The following C3orf20 variants were observed in gnomAD, a reference collection of about 807,000 sequenced individuals.
C3orf20 encodes the protein uncharacterized protein C3orf20.
In C3orf20, 76 loss-of-function variants were observed where a neutral mutation model predicts 88.3. The ratio of observed to expected loss-of-function variants is 0.86; its 90% confidence interval spans 0.72 to 1.04. The LOEUF (loss-of-function observed/expected upper bound fraction) is 1.04. C3orf20 is among the 50% of genes least tolerant of loss of function. C3orf20 has a pLI of 0.00. For synonymous variants in C3orf20, 436 were observed against 437.4 expected (o/e 1.00, Z 0.04); for missense variants, 1,056 against 1,123.3 (o/e 0.94, Z 0.86).
At chr3:14,747,374 A>T (rs1391674724) in intron 12 of C3orf20, among the ~76,000 whole-genome samples, 7 of 151,856 alleles carry the variant, frequency 4.6e-5, no homozygotes, top group African/African-American at 1.7e-4. Context: ...GCTTTGTTAA[A>T]CTCCCTGTGT....
intron 12 of C3orf20, among the ~76,000 whole-genome samples, chr3:14,753,628 T>G (rs1185710559): frequency 1.3e-5 from 2 of 152,010 alleles, no homozygotes; most frequent in Non-Finnish European, 2.9e-5. Flanking sequence ...ATACCTCAGG[T>G]TTTTTTTGTT....
chr3:14,691,322 C>T (rs1188880263), intron 5 of C3orf20, among the ~76,000 whole-genome samples: 2 of 152,204 alleles, frequency 1.3e-5, no homozygotes, highest in African/African-American at 4.8e-5. Context: ...TGGCTTAGTA[C>T]TCCATTATCA....
intron 12 of C3orf20, among the ~76,000 whole-genome samples, chr3:14,742,165 C>T (rs2034918893): frequency 6.6e-6 from 1 of 152,146 alleles, no homozygotes; most frequent in African/African-American, 2.4e-5. Context: ...ACAAAAACCG[C>T]AATACTTTTG....
At chr3:14,742,776 G>A (rs994086903) in intron 12 of C3orf20, among the ~76,000 whole-genome samples, 1 of 152,132 alleles carries the variant, frequency 6.6e-6, no homozygotes, top group African/African-American at 2.4e-5. Context: ...GAGGCTAAAG[G>A]CTCTTCTTAT....
At chr3:14,762,007 C>G (rs1040500566) in intron 15 of C3orf20, among the ~76,000 whole-genome samples, 1 of 152,196 alleles carries the variant, frequency 6.6e-6, no homozygotes, top group Non-Finnish European at 1.5e-5. Context: ...GGCTACACCC[C>G]CTCTCTGTCC....
intron 12 of C3orf20, among the ~76,000 whole-genome samples, chr3:14,740,078 C>G (rs13067010): frequency 0.2 from 30,106 of 152,120 alleles, 3,115 homozygotes; most frequent in South Asian, 0.33. Flanking sequence ...TGAACTTTTT[C>G]TTTGCATTCA....
At chr3:14,685,899 G>C (rs374813292) in intron 4 of C3orf20, among the ~76,000 whole-genome samples, 14 of 107,250 alleles carry the variant, frequency 1.3e-4, no homozygotes, top group Admixed American at 1.5e-4. Flanking sequence ...GTCTCGCTCT[G>C]TTGCCACGCT....
intron 7 of C3orf20, among the ~76,000 whole-genome samples, chr3:14,707,969 A>C (rs1434738044): frequency 6.6e-6 from 1 of 151,782 alleles, no homozygotes; most frequent in Non-Finnish European, 1.5e-5. Context: ...ACAGGTATGC[A>C]CCACCACGCT....
At chr3:14,736,033 G>A (rs2034697869) in intron 12 of C3orf20, among the ~76,000 whole-genome samples, 1 of 151,964 alleles carries the variant, frequency 6.6e-6, no homozygotes, top group Non-Finnish European at 1.5e-5. Context: ...GCTTTTTCTA[G>A]GAATTTATCC....
intron 12 of C3orf20, among the ~76,000 whole-genome samples, chr3:14,755,757 C>T (rs1347805006): frequency 2.0e-5 from 3 of 152,114 alleles, no homozygotes; most frequent in Admixed American, 1.3e-4. Flanking sequence ...GGGCTGGGCG[C>T]GGCGGCTCAC....
intron 4 of C3orf20, among the ~76,000 whole-genome samples, chr3:14,689,414 C>T (rs976691339): frequency 4.6e-5 from 7 of 152,120 alleles, no homozygotes; most frequent in Non-Finnish European, 8.8e-5. Flanking sequence ...CACGCCTAAC[C>T]AGTGAAATGA....
chr3:14,729,766 G>A (rs955344510), intron 12 of C3orf20, among the ~76,000 whole-genome samples: 1 of 152,148 alleles, frequency 6.6e-6, no homozygotes, highest in African/African-American at 2.4e-5. Context: ...GGCTGGTCTC[G>A]AACTCCTGAC....
At chr3:14,677,120 A>C (rs1167783582) in intron 1 of C3orf20, among the ~76,000 whole-genome samples, 1 of 152,198 alleles carries the variant, frequency 6.6e-6, no homozygotes, top group Non-Finnish European at 1.5e-5. Context: ...TGCCCTTATC[A>C]GAAGTATTTC....
intron 12 of C3orf20, among the ~76,000 whole-genome samples, chr3:14,749,154 A>T: frequency 6.6e-6 from 1 of 152,318 alleles, no homozygotes; most frequent in Non-Finnish European, 1.5e-5. Flanking sequence ...TATGTTTGCA[A>T]TTGTTATATT....
intron 4 of C3orf20, among the ~76,000 whole-genome samples, chr3:14,685,013 C>T (rs2032319669): frequency 1.3e-5 from 2 of 152,120 alleles, no homozygotes; most frequent in Non-Finnish European, 2.9e-5. Context: ...GTGAGACTGT[C>T]TTTAAATTAA....
At chr3:14,753,595 T>C (rs1204230963) in intron 12 of C3orf20, among the ~76,000 whole-genome samples, 3 of 152,208 alleles carry the variant, frequency 2.0e-5, no homozygotes, top group Non-Finnish European at 4.4e-5. Flanking sequence ...CTGTGAGTGG[T>C]CCATACTTTT....
Position 14,699,582 on chromosome 3 carries a change from G to A in C3orf20, c.746-3548G>A, listed in dbSNP as rs139832807. Among the ~76,000 whole-genome samples the A allele has an allele frequency of 3.7e-4, 56 of 152,284 alleles. 1 individual carries two copies. The highest frequency in any genetic ancestry group is 3.3e-3 in the South Asian group (16 of 4,828). On this transcript the variant is annotated intron_variant, in intron 5 of 16. Transcript: ENST00000253697. ...GGGCCTGGAATGGGGGCCTCATGAC[G>A]CTAACTTGTACCCTATCCTACTGTG...
intron 5 of C3orf20, among the ~76,000 whole-genome samples, chr3:14,700,078 T>C (rs2033188190): frequency 6.6e-6 from 1 of 152,172 alleles, no homozygotes; most frequent in South Asian, 2.1e-4. Flanking sequence ...GTACTCTCCC[T>C]CTCCCAAATG....
chr3:14,711,178 G>A (rs1276183757), intron 7 of C3orf20, among the ~76,000 whole-genome samples: 2 of 152,190 alleles, frequency 1.3e-5, no homozygotes, highest in African/African-American at 2.4e-5. Context: ...GATTGCAGGC[G>A]TGAGCTACTG....
Sources: allele counts gnomAD v4.1 joint callset (sites outside exome capture counted in the v4.1 genomes callset), GRCh38; gene constraint gnomAD v4.1.1; transcripts MANE v1.5; gene names NCBI Gene and HGNC (gene_info 2026-07-23, HGNC 2026-07-21).